The following CHTF8 variants were observed in gnomAD, a reference collection of about 807,000 sequenced individuals.
The protein encoded by CHTF8 is chromosome transmission fidelity factor 8.
CHTF8 carries 6 observed loss-of-function variants against 11.0 expected under a neutral mutation model. The observed-to-expected ratio is 0.55, with a 90% confidence interval of 0.30 to 1.08. The LOEUF is 1.08. Among genes scored for constraint, CHTF8 ranks in the 50% least tolerant of loss-of-function variants. The pLI is 0.07. For synonymous variants in CHTF8, 53 were observed against 60.5 expected, an observed-to-expected ratio of 0.88 and a Z score of 0.57; for missense variants, 140 against 153.1, an observed-to-expected ratio of 0.91 and a Z score of 0.45.
chr16:69,125,284 T>A (rs548467601), intron 1 of CHTF8, among the ~76,000 whole-genome samples: 6 of 152,186 alleles, frequency 3.9e-5, no homozygotes, highest in Non-Finnish European at 7.3e-5. Context: ...TTACTGTGCA[T>A]ATATATTGGT....
At position 69,118,132 on chromosome 16, in the gene CHTF8, C is replaced by CA. The variant is rs1961295596; in HGVS notation, c.*2292dup. ...ATTTCTTCCCTTCATCCCCCACCCC[C>CA]ACCCTAATTCCCATATTCCCATCCA... On this transcript the variant is annotated 3_prime_UTR_variant, in exon 4 of 4. Coordinates refer to ENST00000448552, the MANE Select transcript of CHTF8 (RefSeq NM_001039690.5). 1 of 354,596 alleles carries CA rather than the reference C, an allele frequency of 2.8e-6. No homozygotes were observed. Among genetic ancestry groups the CA allele is most frequent in the Non-Finnish European group, 5.2e-6 (1 of 193,112 alleles). The allele number at this position is 354,596 out of a possible 1,614,324, so 22.0% of individuals were successfully genotyped here. A position where few individuals can be genotyped will look rare whatever the true frequency, so the allele number is the denominator to read the frequency against.
rs759076060 is a variant in CHTF8, at chr16:69,120,382, G to C, written c.*43C>G. On this transcript the variant is annotated 3_prime_UTR_variant, in exon 4 of 4. Transcript: ENST00000448552. This position sits in a 1 kb window ranked among gnomAD's most constrained non-coding sequence, Gnocchi z 4.0. Reference sequence around the variant, plus strand: ...TCCTCGAGGTGGCAGCGGAGCACGAGTCCAAGGAGTTGGCCGCTCTCTAGG... The same window carrying C: ...TCCTCGAGGTGGCAGCGGAGCACGACTCCAAGGAGTTGGCCGCTCTCTAGG... 3 of 1,594,324 alleles carry C rather than the reference G, an allele frequency of 1.9e-6. No homozygotes were observed.
intron 1 of CHTF8, among the ~76,000 whole-genome samples, chr16:69,123,475 G>A (rs1341875915): frequency 6.6e-6 from 1 of 151,994 alleles, no homozygotes; most frequent in Non-Finnish European, 1.5e-5. Flanking sequence ...TGGCCAACAC[G>A]GTGAAACCCA....
At chr16:69,126,129 G>A (rs1597117329) in intron 1 of CHTF8, among the ~76,000 whole-genome samples, 1 of 152,190 alleles carries the variant, frequency 6.6e-6, no homozygotes, top group Non-Finnish European at 1.5e-5. Flanking sequence ...ATGGGTACAA[G>A]TGACAGTAAA....
chr16:69,126,733 T>C (rs1349293487), intron 1 of CHTF8, among the ~76,000 whole-genome samples: 2 of 152,258 alleles, frequency 1.3e-5, no homozygotes. Context: ...GTCAGGAACG[T>C]AGAGGAGGGC....
At chr16:69,122,904 C>T (rs1961785135) in intron 1 of CHTF8, among the ~76,000 whole-genome samples, 1 of 151,978 alleles carries the variant, frequency 6.6e-6, no homozygotes, top group Non-Finnish European at 1.5e-5. Context: ...GTCTCAAACT[C>T]CTGACCTCAG....
Position 69,119,906 on chromosome 16 carries a change from C to T in CHTF8, c.*519G>A. 1 of 702,364 alleles carries T rather than the reference C, an allele frequency of 1.4e-6. No homozygotes were observed. The allele number at this position is 702,364 out of a possible 1,614,324, so 43.5% of individuals were successfully genotyped here. ...GGTCCAGATCCAGGGCCCATGGGAC[C>T]ACCACCTCTGGGGTCAGGACCTGCT... On this transcript the variant is annotated 3_prime_UTR_variant, in exon 4 of 4. Transcript: ENST00000448552.
chr16:69,132,041 G>A (rs1308768207), intron 1 of CHTF8: 1 of 153,044 alleles, frequency 6.5e-6, no homozygotes, highest in Non-Finnish European at 1.5e-5. Flanking sequence ...CAAGCATAGC[G>A]GGCTGGGCTC....
intron 1 of CHTF8, among the ~76,000 whole-genome samples, chr16:69,129,301 G>C (rs1962317119): frequency 6.6e-6 from 1 of 150,562 alleles, no homozygotes; most frequent in African/African-American, 2.4e-5. Context: ...GTGGTGGCAG[G>C]TGCCTGTAGT....
intron 1 of CHTF8, among the ~76,000 whole-genome samples, chr16:69,123,925 T>TA (rs757493986): frequency 0.31 from 23,602 of 76,624 alleles, 2,744 homozygotes; most frequent in Non-Finnish European, 0.36. Flanking sequence ...CCATCTCTAC[T>TA]AAAAAAAAAA....
rs1264963926 is a variant in CHTF8, at chr16:69,118,592, C to T, written c.*1833G>A. 8.3e-6 allele frequency: 6 copies of T among 725,180 alleles called. No homozygotes were observed. Among genetic ancestry groups the T allele is most frequent in the African/African-American group, 1.7e-5 (1 of 57,498 alleles). The allele number at this position is 725,180 out of a possible 1,614,324, so 44.9% of individuals were successfully genotyped here. A position where few individuals can be genotyped will look rare whatever the true frequency, so the allele number is the denominator to read the frequency against. The stretch of plus-strand genomic sequence containing the variant: ...AAACAATGGGCAGAAAGCTGTGGGA[C>T]GAAAGCACAGCAGGCTTCTGGGAGG... On this transcript the variant is annotated 3_prime_UTR_variant, in exon 4 of 4. Transcript: ENST00000448552.
At chr16:69,123,976 C>T (rs890596255) in intron 1 of CHTF8, among the ~76,000 whole-genome samples, 8 of 149,576 alleles carry the variant, frequency 5.3e-5, no homozygotes, top group Non-Finnish European at 1.2e-4. Flanking sequence ...TGGTGGCGCA[C>T]GCCTGCAGTT....
At chr16:69,129,744 T>C (rs1962359736) in intron 1 of CHTF8, among the ~76,000 whole-genome samples, 1 of 152,218 alleles carries the variant, frequency 6.6e-6, no homozygotes, top group African/African-American at 2.4e-5. Flanking sequence ...AAAGCACCTC[T>C]GTATGATAAC....
chr16:69,119,532 C>T lies in CHTF8; in HGVS notation c.*893G>A, dbSNP rs1455711282. The T allele has an allele frequency of 1.0e-5, 7 of 702,826 alleles. No individual in the cohort carries two copies. Among genetic ancestry groups the T allele is most frequent in the Non-Finnish European group, 1.8e-5 (7 of 384,994 alleles). 43.5% of individuals were successfully genotyped at this position (702,826 alleles called of 1,614,324 possible). ...TTGCCATGGAGGATGGGCTTGTGCC[C>T]ATGTTTCCAGAAGCCTGTGAGAAAG... is the stretch of plus-strand genomic sequence containing the variant. On this transcript the variant is annotated 3_prime_UTR_variant, in exon 4 of 4. Transcript: ENST00000448552.
intron 1 of CHTF8, among the ~76,000 whole-genome samples, chr16:69,129,321 T>A (rs1962318660): frequency 6.7e-6 from 1 of 148,808 alleles, no homozygotes; most frequent in Admixed American, 6.8e-5. Context: ...TCCTAGCTAC[T>A]CAGGAGGCTG....
Position 69,132,585 on chromosome 16 carries a change from G to T in CHTF8, c.-137C>A. 4.9e-6 allele frequency: 2 copies of T among 407,500 alleles called. No individual in the cohort carries two copies. Among genetic ancestry groups the T allele is most frequent in the South Asian group, 3.3e-5 (2 of 60,772 alleles). 25.2% of individuals were successfully genotyped at this position (407,500 alleles called of 1,614,324 possible). ...CCGCGAGCACTGCCTGCGCACTTCC[G>T]ACTATGCGCCAGGAGCACTTCCGGG... On this transcript the variant is annotated 5_prime_UTR_variant, in exon 1 of 4. Transcript: ENST00000448552.
chr16:69,121,627 A>G (rs551541202), intron 1 of CHTF8, 134 bp from the exon 2 acceptor site: 21 of 548,066 alleles, frequency 3.8e-5, no homozygotes, highest in Admixed American at 3.3e-4. Context: ...ACAGGCACCC[A>G]CCACTATGGC....
At chr16:69,122,674 G>A (rs1475893272) in intron 1 of CHTF8, among the ~76,000 whole-genome samples, 1 of 151,842 alleles carries the variant, frequency 6.6e-6, no homozygotes, top group African/African-American at 2.4e-5. Flanking sequence ...CCGAGCAGCT[G>A]GGATTACAGG....
intron 1 of CHTF8, among the ~76,000 whole-genome samples, chr16:69,121,833 A>C (rs893544545): frequency 3.3e-5 from 5 of 151,970 alleles, no homozygotes; most frequent in Non-Finnish European, 7.4e-5. Flanking sequence ...ACGGCCGGCT[A>C]ATTTTTTTTG....
Sources: allele counts gnomAD v4.1 joint callset (sites outside exome capture counted in the v4.1 genomes callset), GRCh38; gene constraint gnomAD v4.1.1; non-coding constraint Gnocchi (gnomAD v3.1); transcripts MANE v1.5; gene names NCBI Gene and HGNC (gene_info 2026-07-23, HGNC 2026-07-21).